PTPRJ: variants seen among roughly 807,000 people sequenced by gnomAD.
The protein encoded by PTPRJ is protein tyrosine phosphatase receptor type J, also known as receptor-type tyrosine-protein phosphatase eta.
In PTPRJ, 129 loss-of-function variants were observed where a neutral mutation model predicts 141.3. The ratio of observed to expected loss-of-function variants is 0.91; its 90% CI spans 0.79 to 1.06. The LOEUF (loss-of-function observed/expected upper bound fraction) is 1.06. Ranked by LOEUF, PTPRJ falls within the 50% of genes least tolerant of loss-of-function variation. The pLI is 0.00. For synonymous variants in PTPRJ, 610 were observed against 640.5 expected (o/e 0.95, Z 0.72); for missense variants, 1,601 against 1,679.7 (o/e 0.95, Z 0.82).
chr11:48,042,759 G>GGTGT (rs757012527), intron 1 of PTPRJ, among the ~76,000 whole-genome samples: 21,077 of 146,332 alleles, frequency 0.14, 1,590 homozygotes, highest in African/African-American at 0.19. Context: ...TGTGTGTAGG[G>GGTGT]GTGTGTGTGT....
chr11:48,092,227 G>A (rs1478358526), intron 1 of PTPRJ, among the ~76,000 whole-genome samples: 3 of 148,720 alleles, frequency 2.0e-5, no homozygotes. Context: ...CCTGGGAGGC[G>A]GGGGTTGCAG....
chr11:48,135,235 C>A (rs958142667), intron 8 of PTPRJ, among the ~76,000 whole-genome samples: 1 of 133,702 alleles, frequency 7.5e-6, no homozygotes, highest in East Asian at 2.3e-4. Context: ...AGTGCGATGG[C>A]GCGATCTTGG....
chr11:48,117,555 A>AAAAAAAAAAAAT (rs1856600942), intron 3 of PTPRJ, among the ~76,000 whole-genome samples: 1 of 143,276 alleles, frequency 7.0e-6, no homozygotes, highest in Non-Finnish European at 1.5e-5. Flanking sequence ...AAAAAAAAAA[A>AAAAAAAAAAAAT]AAAAAAAAAA....
chr11:48,009,296 A>G (rs1033476745), intron 1 of PTPRJ, among the ~76,000 whole-genome samples: 2 of 152,156 alleles, frequency 1.3e-5, no homozygotes, highest in Non-Finnish European at 2.9e-5. Flanking sequence ...TAAAGTATAA[A>G]CCTAATTTGG....
rs1855135267 is a variant in PTPRJ at position 48,021,910 on chromosome 11, CA to C, written c.96+40904del. The stretch of plus-strand genomic sequence containing the variant: ...TATTGCCATTCCTGACCTAAGGCAG[CA>C]AGTGATTCCTTCTGGCAAACTCTTT... On this transcript the variant is annotated intron_variant, in intron 1 of 24. Transcript: ENST00000418331. Among the ~76,000 whole-genome samples the C allele has an allele frequency of 2.6e-5, 4 of 152,258 alleles. No individual in the cohort carries two copies. In the South Asian group the frequency reaches 6.2e-4, roughly 24 times the overall value.
chr11:48,131,103 A>G (rs1406096630), intron 8 of PTPRJ, among the ~76,000 whole-genome samples: 1 of 96,190 alleles, frequency 1.0e-5, no homozygotes, highest in Non-Finnish European at 1.9e-5. Context: ...TTTTTGAGAC[A>G]GTCTTACCCT....
At chr11:48,048,701 G>A (rs1479090172) in intron 1 of PTPRJ, among the ~76,000 whole-genome samples, 1 of 152,192 alleles carries the variant, frequency 6.6e-6, no homozygotes, top group Admixed American at 6.5e-5. Flanking sequence ...GGCTGAGGCA[G>A]GAGAATCTCC....
intron 1 of PTPRJ, among the ~76,000 whole-genome samples, chr11:47,981,422 G>C (rs1853904312): frequency 6.6e-6 from 1 of 152,118 alleles, no homozygotes; most frequent in African/African-American, 2.4e-5. Flanking sequence ...AGCCTTTGCC[G>C]ACAGACCTCC....
intron 4 of PTPRJ, among the ~76,000 whole-genome samples, chr11:48,123,125 G>A (rs995834130): frequency 6.6e-6 from 1 of 152,208 alleles, no homozygotes; most frequent in Admixed American, 6.5e-5. Flanking sequence ...TCCCCTTGGT[G>A]CTGGGATATT....
At chr11:48,087,259 AAAAGAGATAAAGG>A (rs1453420723) in intron 1 of PTPRJ, among the ~76,000 whole-genome samples, 1 of 152,240 alleles carries the variant, frequency 6.6e-6, no homozygotes. Context: ...GTCCTTGTTA[AAAAGAGATAAAGG>A]AAAGAGATAA....
At chr11:48,094,328 C>CT (rs1855948427) in intron 1 of PTPRJ, among the ~76,000 whole-genome samples, 1 of 152,280 alleles carries the variant, frequency 6.6e-6, no homozygotes, top group East Asian at 1.9e-4. Context: ...TTCTTATTAT[C>CT]TTTTTTTAGC....
rs762236960 is a variant in PTPRJ at position 48,143,017 on chromosome 11, A to G, written c.2542A>G (p.Lys848Glu). 1.2e-6 allele frequency: 2 copies of G among 1,614,194 alleles called. No individual in the cohort carries two copies. Among genetic ancestry groups the G allele is most frequent in the Non-Finnish European group, 1.7e-6 (2 of 1,180,012 alleles). The stretch of plus-strand genomic sequence containing the variant: ...ATTTGAAGCCAGCCACGGACCCATC[A>G]AAGCCTATGCTGTCATTCTCACCAC... ...SGFEASHGPI[K>E]AYAVILTTGE... The change falls in exon 12 of 25, where the codon AAA (lysine) becomes GAA (glutamate). Residue 848 changes from lysine (K) to glutamate (E), a missense_variant. Transcript: ENST00000418331.
intron 1 of PTPRJ, among the ~76,000 whole-genome samples, chr11:47,984,837 G>A (rs1383302418): frequency 6.6e-6 from 1 of 151,778 alleles, no homozygotes; most frequent in East Asian, 1.9e-4. Flanking sequence ...GGGATTATAG[G>A]CGTGAGCCAC....
intron 19 of PTPRJ, 138 bp downstream of exon 19, chr11:48,154,024 C>G (rs1472726173): frequency 1.2e-5 from 8 of 692,708 alleles, no homozygotes; most frequent in Admixed American, 2.4e-5. Flanking sequence ...CCACAACCAT[C>G]CATTATTCAC....
intron 1 of PTPRJ, among the ~76,000 whole-genome samples, chr11:47,991,071 G>T (rs997753134): frequency 6.6e-6 from 1 of 151,958 alleles, no homozygotes; most frequent in Non-Finnish European, 1.5e-5. Flanking sequence ...TGGATTGTGT[G>T]TATTATATAT....
chr11:48,112,666 T>C (rs1856470374), intron 2 of PTPRJ, 81 bp from the exon 3 acceptor site: 1 of 978,496 alleles, frequency 1.0e-6, no homozygotes, highest in Non-Finnish European at 1.6e-6. Context: ...TTCATTTCAG[T>C]GTAAATATTT....
chr11:47,992,873 C>A (rs1259340168), intron 1 of PTPRJ, among the ~76,000 whole-genome samples: 2 of 152,040 alleles, frequency 1.3e-5, no homozygotes, highest in East Asian at 3.9e-4. Flanking sequence ...TGTGTGTATA[C>A]TAAATTGCAT....
In PTPRJ at chr11:47,988,225, A is replaced by G. The variant is rs1013990748; in HGVS notation, c.96+7217A>G. On this transcript the variant is annotated intron_variant, in intron 1 of 24. Coordinates refer to ENST00000418331, the MANE Select transcript of PTPRJ (RefSeq NM_002843.4). ...TCTTGGGGGGGAAAAGAAGAGATAC[A>G]AGACCCCTAGAGAGTATAGAGAGTA... Among the ~76,000 whole-genome samples, 15 of 152,262 alleles carry G rather than the reference A, an allele frequency of 9.9e-5. 1 individual carries two copies. Among genetic ancestry groups the G allele is most frequent in the African/African-American group, 2.4e-4 (10 of 41,474 alleles).
intron 1 of PTPRJ, among the ~76,000 whole-genome samples, chr11:47,994,276 C>G (rs1854273633): frequency 6.6e-6 from 1 of 151,590 alleles, no homozygotes; most frequent in African/African-American, 2.4e-5. Flanking sequence ...ATTTCTTTGT[C>G]TTTTTAAATG....
Sources: gnomAD v4.1 joint callset for allele counts (sites outside exome capture counted in the v4.1 genomes callset) on GRCh38, gnomAD v4.1.1 for gene constraint, MANE v1.5 for transcripts, NCBI Gene and HGNC (gene_info 2026-07-23, HGNC 2026-07-21) for gene names.